NRXN1: variants seen among roughly 807,000 people sequenced by gnomAD.
NRXN1 encodes the protein neurexin-1.
In NRXN1, 39 loss-of-function variants were observed where a neutral mutation model predicts 150.9. The observed-to-expected ratio is 0.26, with a 90% CI of 0.20 to 0.34. The LOEUF (loss-of-function observed/expected upper bound fraction) is 0.34, where lower values mean the gene tolerates loss of function less well. NRXN1 is among the 10% of genes least tolerant of loss of function. The pLI is 1.00. For synonymous variants in NRXN1, 924 were observed against 757.0 expected (o/e 1.22, Z -3.62); for missense variants, 1,815 against 1,949.9 (o/e 0.93, Z 1.30).
rs191333938 is a variant in NRXN1, at chr2:50,120,882, G to T, written c.3547-29388C>A. Among the ~76,000 whole-genome samples, 20 of 152,292 alleles carry T rather than the reference G, an allele frequency of 1.3e-4. No individual in the cohort carries two copies. The East Asian group carries it at 3.9e-3, about 29-fold the overall frequency. On this transcript the variant is annotated intron_variant, in intron 18 of 22. Transcript: ENST00000401669. ...GGGAATTTTGAGTAAGTTACTTACT[G>T]ATCATTTGATGAGATCTGTTGACTA...
intron 5 of NRXN1, among the ~76,000 whole-genome samples, chr2:50,684,949 G>T (rs962987279): frequency 6.6e-6 from 1 of 152,160 alleles, no homozygotes; most frequent in African/African-American, 2.4e-5. Flanking sequence ...ATGAACCAGA[G>T]AATTTGAACT....
chr2:50,526,707 T>C (rs1457086288), intron 12 of NRXN1: 1 of 152,214 alleles, frequency 6.6e-6, no homozygotes, highest in Non-Finnish European at 1.5e-5. Flanking sequence ...AAATGTTACC[T>C]GTTCATTGAA....
At chr2:50,387,837 G>A (rs1481357254) in intron 17 of NRXN1, among the ~76,000 whole-genome samples, 2 of 152,142 alleles carry the variant, frequency 1.3e-5, no homozygotes, top group African/African-American at 4.8e-5. Flanking sequence ...AGGAGGCTGT[G>A]AATTAAGAAA....
chr2:50,531,848 T>TG (rs1380979582), intron 10 of NRXN1, among the ~76,000 whole-genome samples: 1 of 152,034 alleles, frequency 6.6e-6, no homozygotes, highest in African/African-American at 2.4e-5. Context: ...TGTTTGGGTT[T>TG]TGTTGTTGTT....
chr2:50,896,319 T>G (rs572144270), intron 5 of NRXN1, among the ~76,000 whole-genome samples: 1 of 152,294 alleles, frequency 6.6e-6, no homozygotes, highest in East Asian at 1.9e-4. Context: ...ACCTACTATG[T>G]GTAAGATACT....
chr2:51,027,380 T>C, intron 2 of NRXN1, 122 bp downstream of exon 2: 4 of 1,018,872 alleles, frequency 3.9e-6, no homozygotes, highest in Non-Finnish European at 5.3e-6. Context: ...ACAAGGTCCT[T>C]CCCTCGAAGC....
intron 2 of NRXN1, among the ~76,000 whole-genome samples, chr2:50,941,661 G>A (rs1316744393): frequency 6.6e-6 from 1 of 152,146 alleles, no homozygotes; most frequent in Non-Finnish European, 1.5e-5. Flanking sequence ...AAATTTCTAA[G>A]CAACAAAGCA....
At chr2:50,743,130 T>C (rs1699632171) in intron 5 of NRXN1, among the ~76,000 whole-genome samples, 1 of 152,224 alleles carries the variant, frequency 6.6e-6, no homozygotes, top group African/African-American at 2.4e-5. Context: ...ATTTGTTTTC[T>C]CTTCTATGAC....
chr2:50,161,678 G>C (rs986844139), intron 18 of NRXN1, among the ~76,000 whole-genome samples: 1 of 152,116 alleles, frequency 6.6e-6, no homozygotes, highest in African/African-American at 2.4e-5. Flanking sequence ...TATCTGCACT[G>C]ACAGTCAGCA....
At chr2:50,476,977 T>A (rs570046533) in intron 15 of NRXN1, among the ~76,000 whole-genome samples, 9 of 152,286 alleles carry the variant, frequency 5.9e-5, no homozygotes, top group African/African-American at 2.2e-4. Context: ...TAACAGGTTT[T>A]TGTGGACTGT....
At chr2:50,654,648 A>G (rs1272997336) in intron 5 of NRXN1, among the ~76,000 whole-genome samples, 1 of 152,032 alleles carries the variant, frequency 6.6e-6, no homozygotes, top group Non-Finnish European at 1.5e-5. Context: ...TCCCATCAAC[A>G]GTGTAAAAGT....
intron 5 of NRXN1, among the ~76,000 whole-genome samples, chr2:50,667,451 C>CAA (rs1475819694): frequency 4.6e-5 from 7 of 151,916 alleles, no homozygotes; most frequent in Non-Finnish European, 1.0e-4. Flanking sequence ...TTCAGTATAT[C>CAA]AATTTCTGTG....
chr2:50,766,299 G>A (rs1248262905), intron 5 of NRXN1, among the ~76,000 whole-genome samples: 2 of 151,958 alleles, frequency 1.3e-5, no homozygotes, highest in African/African-American at 2.4e-5. Context: ...TGGGGTGGGA[G>A]TGGAAAAACT....
intron 21 of NRXN1, among the ~76,000 whole-genome samples, chr2:50,044,461 G>A (rs1004957282): frequency 1.2e-4 from 18 of 152,124 alleles, no homozygotes; most frequent in African/African-American, 3.9e-4. Context: ...AGAGAATGTG[G>A]ATAATTCCAG....
intron 8 of NRXN1, among the ~76,000 whole-genome samples, chr2:50,582,949 C>T (rs909387139): frequency 5.9e-5 from 9 of 151,932 alleles, no homozygotes; most frequent in African/African-American, 2.2e-4. Context: ...CCTAAGGAAC[C>T]CACACTTTGT....
At position 50,295,586 on chromosome 2, in the gene NRXN1, C is replaced by G. The variant is rs116676918; in HGVS notation, c.3365-58616G>C. ...ATTGTTGAATTCAATCTTGTTCAAT[C>G]TTGTTCTATAAAACATCTTTCACAA... On this transcript the variant is annotated intron_variant, in intron 17 of 22. Transcript: ENST00000401669. Among the ~76,000 whole-genome samples, 1,168 of 152,256 alleles carry G rather than the reference C, an allele frequency of 7.7e-3. 14 individuals carry two copies. Among genetic ancestry groups the G allele is most frequent in the African/African-American group, 0.026 (1,095 of 41,540 alleles).
chr2:50,417,924 A>G (rs961452864), intron 17 of NRXN1, among the ~76,000 whole-genome samples: 2 of 151,966 alleles, frequency 1.3e-5, no homozygotes, highest in Non-Finnish European at 2.9e-5. Context: ...AAAATATCAC[A>G]TGTGGATTAA....
chr2:50,618,987 T>C (rs997877074), intron 8 of NRXN1: 2 of 152,112 alleles, frequency 1.3e-5, no homozygotes, highest in African/African-American at 2.4e-5. Context: ...CTTAGGATTA[T>C]TCTATATACA....
rs2105327924 is a variant in NRXN1 at position 51,027,647 on chromosome 2, G to C, written c.627C>G (p.Pro209=). The change falls in exon 2 of 23, where the codon CCC becomes CCG. Residue 209 remains proline (P), a synonymous_variant. Coordinates refer to ENST00000401669, the MANE Select transcript of NRXN1 (RefSeq NM_001330078.2). ...CGCACGGGCTTCCCCCGCCGCTGTT[G>C]GGCGGCTCATCGTCCAGCTTCACCT... ...SGEVKLDDEP[P]NSGGGSPCEA... 6.2e-7 allele frequency: 1 copy of C among 1,600,182 alleles called. No individual in the cohort carries two copies. Among genetic ancestry groups the C allele is most frequent in the Non-Finnish European group, 8.5e-7 (1 of 1,173,582 alleles).
Sources: gnomAD v4.1 joint callset for allele counts (sites outside exome capture counted in the v4.1 genomes callset) on GRCh38, gnomAD v4.1.1 for gene constraint, MANE v1.5 for transcripts, NCBI Gene and HGNC (gene_info 2026-07-23, HGNC 2026-07-21) for gene names.